The following GSK3B variants were observed in gnomAD, a reference collection of about 807,000 sequenced individuals.
GSK3B encodes glycogen synthase kinase-3 beta.
A neutral mutation model predicts 56.4 loss-of-function variants in GSK3B; 15 were observed. The observed-to-expected ratio is 0.27, with a 90% CI of 0.18 to 0.41. GSK3B has a LOEUF of 0.41. GSK3B is among the 10% of genes least tolerant of loss of function. The pLI, the probability that GSK3B is intolerant of heterozygous loss-of-function variation, is 1.00. For missense variants in GSK3B, 300 were observed against 513.4 expected, an observed-to-expected ratio of 0.58 and a Z score of 4.02; for synonymous variants, 181 against 188.9, an observed-to-expected ratio of 0.96 and a Z score of 0.34.
intron 3 of GSK3B, among the ~76,000 whole-genome samples, chr3:119,925,803 A>T (rs1248455255): frequency 6.6e-6 from 1 of 152,070 alleles, no homozygotes; most frequent in Non-Finnish European, 1.5e-5. Context: ...CTCCTATTCT[A>T]AAACTTTCTC....
intron 1 of GSK3B, among the ~76,000 whole-genome samples, chr3:120,078,012 T>C (rs746954114): frequency 2.0e-4 from 31 of 152,200 alleles, no homozygotes; most frequent in Non-Finnish European, 3.1e-4. Flanking sequence ...TTAAATGGAA[T>C]GAGAGTGCTT....
intron 8 of GSK3B, among the ~76,000 whole-genome samples, chr3:119,873,296 A>G (rs1006663547): frequency 1.3e-5 from 2 of 151,982 alleles, no homozygotes; most frequent in Non-Finnish European, 2.9e-5. Context: ...TGTTTCCACA[A>G]AAGACATTTT....
chr3:119,894,575 G>A (rs1265260237), intron 7 of GSK3B, among the ~76,000 whole-genome samples: 5 of 151,922 alleles, frequency 3.3e-5, no homozygotes, highest in African/African-American at 7.2e-5. Context: ...TGTCTATGCC[G>A]ATTCTTTGTC....
intron 8 of GSK3B, among the ~76,000 whole-genome samples, chr3:119,870,187 A>G (rs2056234288): frequency 6.6e-6 from 1 of 152,156 alleles, no homozygotes; most frequent in Non-Finnish European, 1.5e-5. Context: ...TCCTCACTGG[A>G]AGTCTGCCTT....
At chr3:119,940,467 A>T (rs1222591375) in intron 3 of GSK3B, among the ~76,000 whole-genome samples, 1 of 152,134 alleles carries the variant, frequency 6.6e-6, no homozygotes, top group East Asian at 1.9e-4. Context: ...GTACATATAC[A>T]TACATACATA....
At chr3:120,063,245 AT>A (rs2058252123) in intron 1 of GSK3B, among the ~76,000 whole-genome samples, 1 of 152,230 alleles carries the variant, frequency 6.6e-6, no homozygotes. Flanking sequence ...ATCAGAGAAC[AT>A]TTTAAACTTT....
intron 1 of GSK3B, among the ~76,000 whole-genome samples, chr3:120,021,558 C>A (rs1369792790): frequency 1.3e-5 from 2 of 151,384 alleles, no homozygotes; most frequent in Admixed American, 1.3e-4. Context: ...GGAACAGGAA[C>A]AGGAGTTTGG....
chr3:119,826,998 C>T (rs1404284444), intron 10 of GSK3B, 143 bp from the exon 11 acceptor site: 7 of 613,214 alleles, frequency 1.1e-5, no homozygotes, highest in Non-Finnish European at 2.0e-5. Flanking sequence ...AAGGCCAACA[C>T]TATGAAATCT....
rs2055434930 is a variant in GSK3B at position 119,822,842 on chromosome 3, G to C, written c.*3946C>G. ...AAACCCCCCAAATTCCTGGGGATCT[G>C]GCATTGGCCAAACTTCCTTTGGAAG... On this transcript the variant is annotated 3_prime_UTR_variant, in exon 11 of 11. Transcript: ENST00000264235. 1 of 228,344 alleles carries C rather than the reference G, an allele frequency of 4.4e-6. No homozygotes were observed. Among genetic ancestry groups the C allele is most frequent in the Admixed American group, 5.7e-5 (1 of 17,638 alleles). The allele number at this position is 228,344 out of a possible 1,614,324, so 14.1% of individuals were successfully genotyped here.
chr3:119,979,693 T>A (rs1240773061), intron 2 of GSK3B, among the ~76,000 whole-genome samples: 1 of 152,196 alleles, frequency 6.6e-6, no homozygotes, highest in South Asian at 2.1e-4. Flanking sequence ...GTTAACTCAA[T>A]TACTTTTCTT....
At chr3:120,057,363 A>G (rs1052108141) in intron 1 of GSK3B, among the ~76,000 whole-genome samples, 1 of 152,194 alleles carries the variant, frequency 6.6e-6, no homozygotes, top group Non-Finnish European at 1.5e-5. Flanking sequence ...AAATGGGTCA[A>G]AAATCTTTAA....
At chr3:119,980,358 A>ATTT (rs548342695) in intron 2 of GSK3B, among the ~76,000 whole-genome samples, 1 of 147,376 alleles carries the variant, frequency 6.8e-6, no homozygotes, top group African/African-American at 2.5e-5. Context: ...TGCTTGTGTC[A>ATTT]TTTTTTTTTT....
In GSK3B at chr3:119,876,281, C is replaced by G. The variant is rs2056312584; in HGVS notation, c.909+132G>C. 6.5e-6 allele frequency: 4 copies of G among 613,970 alleles called. No individual in the cohort carries two copies. The East Asian group carries it at 8.1e-5, about 13-fold the overall frequency. 38.0% of individuals were successfully genotyped at this position (613,970 alleles called of 1,614,324 possible). Reference sequence around the variant, plus strand: ...AAGTCAATGAAACACTCAAGTACATCTATACAACTATCTTTACATGCAGAA... The same window carrying G: ...AAGTCAATGAAACACTCAAGTACATGTATACAACTATCTTTACATGCAGAA... On this transcript the variant is annotated intron_variant, in intron 8 of 10. Coordinates refer to ENST00000264235, the MANE Select transcript of GSK3B (RefSeq NM_001146156.2).
intron 2 of GSK3B, among the ~76,000 whole-genome samples, chr3:119,963,481 A>AT (rs1230215214): frequency 6.6e-6 from 1 of 152,006 alleles, no homozygotes; most frequent in Non-Finnish European, 1.5e-5. Flanking sequence ...ATACAAGCAT[A>AT]TAAAAACAGA....
At chr3:119,928,082 T>C (rs1024856017) in intron 3 of GSK3B, among the ~76,000 whole-genome samples, 6 of 152,194 alleles carry the variant, frequency 3.9e-5, no homozygotes, top group Admixed American at 2.0e-4. Context: ...TCAAGCTTTA[T>C]TGGGTTCACA....
At chr3:120,052,571 C>T (rs146118330) in intron 1 of GSK3B, among the ~76,000 whole-genome samples, 4 of 152,252 alleles carry the variant, frequency 2.6e-5, no homozygotes, top group African/African-American at 9.6e-5. Context: ...ACACATTAAC[C>T]TTCCCTAAAC....
At chr3:119,969,897 G>A (rs2057350662) in intron 2 of GSK3B, among the ~76,000 whole-genome samples, 1 of 152,140 alleles carries the variant, frequency 6.6e-6, no homozygotes, top group African/African-American at 2.4e-5. Context: ...GAGTAGCGTG[G>A]TGAAATCTCA....
At chr3:120,047,461 C>T (rs2058113412) in intron 1 of GSK3B, among the ~76,000 whole-genome samples, 1 of 152,130 alleles carries the variant, frequency 6.6e-6, no homozygotes, top group South Asian at 2.1e-4. Context: ...CAGGAGAAGT[C>T]AATTTCCTTG....
intron 1 of GSK3B, among the ~76,000 whole-genome samples, chr3:120,058,044 C>A (rs78737715): frequency 6.6e-6 from 1 of 151,902 alleles, no homozygotes; most frequent in Non-Finnish European, 1.5e-5. Flanking sequence ...CTTGCTACAA[C>A]AAAAATATTT....
Sources: allele counts gnomAD v4.1 joint callset (sites outside exome capture counted in the v4.1 genomes callset), GRCh38; gene constraint gnomAD v4.1.1; transcripts MANE v1.5; gene names NCBI Gene and HGNC (gene_info 2026-07-23, HGNC 2026-07-21).